ANK2: variants seen among roughly 807,000 people sequenced by gnomAD.
ANK2 encodes the protein ankyrin 2, also known as ankyrin-2.
A neutral mutation model predicts 360.5 loss-of-function variants in ANK2; 83 were observed. The ratio of observed to expected loss-of-function variants is 0.23; its 90% CI spans 0.19 to 0.28. The LOEUF is 0.28. Among genes scored for constraint, ANK2 ranks in the 10% least tolerant of loss-of-function variants. The pLI, the probability that ANK2 is intolerant of heterozygous loss-of-function variation, is 1.00. For synonymous variants in ANK2, 1,740 were observed against 1,759.5 expected (o/e 0.99, Z 0.28); for missense variants, 4,201 against 4,795.7 (o/e 0.88, Z 3.66).
intron 1 of ANK2, among the ~76,000 whole-genome samples, chr4:112,843,562 A>T (rs1029181905): frequency 3.3e-5 from 5 of 152,192 alleles, no homozygotes; most frequent in Non-Finnish European, 7.4e-5. Flanking sequence ...ACACATTAGC[A>T]TATGGAAAAG....
intron 2 of ANK2, among the ~76,000 whole-genome samples, chr4:112,976,971 T>A (rs920209247): frequency 3.3e-5 from 5 of 152,234 alleles, no homozygotes; most frequent in Non-Finnish European, 7.3e-5. Context: ...TGTAAGTTCT[T>A]GTAAGTCCCT....
chr4:113,021,537 CAA>C (rs869287470), intron 2 of ANK2, among the ~76,000 whole-genome samples: 3,471 of 75,190 alleles, frequency 0.046, 342 homozygotes, highest in African/African-American at 0.15. Flanking sequence ...CACCCACACA[CAA>C]ACATATATAT....
the ANK2 span, among the ~76,000 whole-genome samples, chr4:112,736,950 T>C: frequency 6.6e-6 from 1 of 152,184 alleles, no homozygotes; most frequent in Admixed American, 6.5e-5. Context: ...CTGGTTTTGG[T>C]AGTGGTAAGT....
intron 2 of ANK2, among the ~76,000 whole-genome samples, chr4:112,995,846 G>A (rs898905934): frequency 6.6e-6 from 1 of 152,168 alleles, no homozygotes; most frequent in Non-Finnish European, 1.5e-5. Context: ...TTTATGGAAT[G>A]TTGATGAGTA....
rs139007578 is a variant in ANK2, at chr4:113,357,779, C to A, written c.9161C>A (p.Ala3054Asp). 7.4e-6 allele frequency: 12 copies of A among 1,613,858 alleles called. No individual in the cohort carries two copies. The highest frequency in any genetic ancestry group is 5.0e-5 in the Admixed American group (3 of 59,988). The change falls in exon 38 of 46, where the codon GCC becomes GAC. Residue 3054 changes from alanine to aspartate, a missense_variant. By Grantham distance (126) the Ala-to-Asp change is moderately radical. Transcript: ENST00000357077. Reference protein sequence around the residue: ...SWSEIREDDEAFEARVKEEEQ... With the variant: ...SWSEIREDDEDFEARVKEEEQ... ...AGTGAAATTCGGGAAGACGATGAAG[C>A]CTTTGAGGCTCGTGTGAAAGAGGAA...
At chr4:113,103,591 G>A (rs1313949209) in intron 1 of ANK2, among the ~76,000 whole-genome samples, 3 of 152,106 alleles carry the variant, frequency 2.0e-5, no homozygotes. Context: ...TTAGAATTCT[G>A]CTTAGCACTA....
intron 13 of ANK2, among the ~76,000 whole-genome samples, chr4:113,259,488 T>A (rs1353247052): frequency 1.3e-5 from 2 of 152,202 alleles, no homozygotes; most frequent in African/African-American, 4.8e-5. Flanking sequence ...ATTTCCACAG[T>A]GAAGTTTCTG....
chr4:112,822,370 A>G (rs1196668491), intron 1 of ANK2, among the ~76,000 whole-genome samples: 1 of 150,190 alleles, frequency 6.7e-6, no homozygotes, highest in Non-Finnish European at 1.5e-5. Flanking sequence ...GTGAGCCAAG[A>G]TCGTGCCACT....
rs115087167 is a variant in ANK2 at position 113,194,887 on chromosome 4, A to G, written c.187-1481A>G. Among the ~76,000 whole-genome samples the G allele has an allele frequency of 8.0e-3, 1,222 of 152,274 alleles. 20 individuals carry two copies. The highest frequency in any genetic ancestry group is 0.028 in the African/African-American group (1,145 of 41,578). The stretch of plus-strand genomic sequence containing the variant: ...TTTAGTTGTTTCCCATTTGGTATGC[A>G]GTATATATAAAATTGAGAGATATTT... On this transcript the variant is annotated intron_variant, in intron 2 of 45. Transcript: ENST00000357077.
rs908056052 is a variant in ANK2 at position 113,354,231 on chromosome 4, A to G, written c.5613A>G (p.Ser1871=). The G allele has an allele frequency of 1.9e-6, 3 of 1,613,958 alleles. No individual in the cohort carries two copies. Among genetic ancestry groups the G allele is most frequent in the East Asian group, 2.2e-5 (1 of 44,876 alleles). ...AKTERHSPAS[S]SSKTEKHSPV... ...CGGAAAGACATTCACCTGCGTCATCATCGAGTAAAACTGAGAAACACTCAC... is the reference window on the plus strand; with the variant it reads ...CGGAAAGACATTCACCTGCGTCATCGTCGAGTAAAACTGAGAAACACTCAC... The change falls in exon 38 of 46, where the codon TCA becomes TCG. Residue 1871 remains serine, a synonymous_variant. Coordinates refer to ENST00000357077, the MANE Select transcript of ANK2 (RefSeq NM_001148.6).
At chr4:113,288,220 G>A (rs1487064285) in intron 19 of ANK2, among the ~76,000 whole-genome samples, 168 bp from the exon 20 acceptor site, 1 of 152,148 alleles carries the variant, frequency 6.6e-6, no homozygotes, top group Non-Finnish European at 1.5e-5. Flanking sequence ...CTGATATGAA[G>A]TTCCCTGTGG....
the ANK2 span, among the ~76,000 whole-genome samples, chr4:112,716,353 T>C: frequency 3.9e-5 from 6 of 152,142 alleles, no homozygotes; most frequent in Non-Finnish European, 8.8e-5. Context: ...AACCTTGGCC[T>C]CCCAAAGTGC....
chr4:113,036,334 G>A (rs1234728915), intron 2 of ANK2, among the ~76,000 whole-genome samples: 2 of 151,754 alleles, frequency 1.3e-5, no homozygotes, highest in Non-Finnish European at 2.9e-5. Context: ...AAATTATCTA[G>A]GAGAAAAATT....
intron 2 of ANK2, among the ~76,000 whole-genome samples, chr4:112,939,578 G>C (rs1426410989): frequency 6.6e-6 from 1 of 151,890 alleles, no homozygotes; most frequent in Admixed American, 6.6e-5. Flanking sequence ...GCCTCCCAAA[G>C]TGCTGGGATT....
At chr4:112,719,207 A>G in the ANK2 span, among the ~76,000 whole-genome samples, 7 of 152,182 alleles carry the variant, frequency 4.6e-5, no homozygotes, top group Admixed American at 4.6e-4. Flanking sequence ...CATGCAGTCA[A>G]GGAAATGGTA....
chr4:113,031,728 C>T (rs61205470), intron 2 of ANK2, among the ~76,000 whole-genome samples: 2,370 of 151,990 alleles, frequency 0.016, 61 homozygotes, highest in African/African-American at 0.053. Flanking sequence ...GGAGAAGCTT[C>T]TCATTAAACA....
chr4:113,196,237 T>TCTA, intron 2 of ANK2, 131 bp from the exon 3 acceptor site: 1 of 702,838 alleles, frequency 1.4e-6, no homozygotes, highest in East Asian at 2.7e-5. Context: ...GATTCAAGAT[T>TCTA]CTAATGCAAA....
At chr4:112,788,409 G>C in the ANK2 span, 2 of 1,593,754 alleles carry the variant, frequency 1.3e-6, no homozygotes, top group Non-Finnish European at 1.7e-6. Flanking sequence ...TCCACGTCGG[G>C]TGCAATCACC....
At chr4:112,994,262 A>G (rs967514129) in intron 2 of ANK2, among the ~76,000 whole-genome samples, 5 of 152,222 alleles carry the variant, frequency 3.3e-5, no homozygotes, top group Non-Finnish European at 7.3e-5. Flanking sequence ...TTGTTTTGAT[A>G]CTATCTGGGA....
Sources: allele counts gnomAD v4.1 joint callset (sites outside exome capture counted in the v4.1 genomes callset), GRCh38; gene constraint gnomAD v4.1.1; transcripts MANE v1.5; gene names NCBI Gene and HGNC (gene_info 2026-07-23, HGNC 2026-07-21).